Variants in GRIA3 observed in about 807,000 individuals in gnomAD.
GRIA3 encodes the protein glutamate ionotropic receptor AMPA type subunit 3.
GRIA3 carries 3 observed loss-of-function variants against 63.0 expected under a neutral mutation model. The observed-to-expected ratio is 0.05, with a 90% CI of 0.02 to 0.12. The LOEUF (loss-of-function observed/expected upper bound fraction) is 0.12. Ranked by LOEUF, GRIA3 falls within the 10% of genes least tolerant of loss-of-function variation. GRIA3 has a pLI of 1.00. For synonymous variants in GRIA3, 274 were observed against 257.9 expected (o/e 1.06, Z -0.60); for missense variants, 347 against 700.9 (o/e 0.50, Z 5.70).
chrX:123,363,080 A>G (rs957240001), intron 5 of GRIA3, among the ~76,000 whole-genome samples: 3 of 112,624 alleles, frequency 2.7e-5, no homozygotes, highest in Admixed American at 9.4e-5. Flanking sequence ...GACAACTTGA[A>G]TCACCACAAT....
intron 12 of GRIA3, among the ~76,000 whole-genome samples, chrX:123,431,547 G>A (rs2147403672): frequency 8.9e-6 from 1 of 111,966 alleles, no homozygotes; most frequent in East Asian, 2.8e-4. Flanking sequence ...CCAACCAGAC[G>A]TAGAAGCACA....
chrX:123,343,593 CAGAGAGAGAG>C (rs746329134), intron 4 of GRIA3, among the ~76,000 whole-genome samples: 2 of 102,725 alleles, frequency 1.9e-5, no homozygotes, highest in South Asian at 4.4e-4. Flanking sequence ...GAGAGAAAGA[CAGAGAGAGAG>C]AGAGAGAGAG....
intron 10 of GRIA3, among the ~76,000 whole-genome samples, chrX:123,415,365 T>C (rs765812633): frequency 8.9e-6 from 1 of 111,896 alleles, no homozygotes; most frequent in South Asian, 3.8e-4. Flanking sequence ...AAATATAGAA[T>C]GCATGGAATA....
chrX:123,389,739 G>A (rs922160786), intron 5 of GRIA3, among the ~76,000 whole-genome samples: 4 of 109,705 alleles, frequency 3.6e-5, no homozygotes, highest in Non-Finnish European at 5.7e-5. Flanking sequence ...ACAAAGTCTC[G>A]CTCTGTTGCC....
intron 13 of GRIA3, among the ~76,000 whole-genome samples, chrX:123,470,150 C>T (rs960761499): frequency 4.5e-5 from 5 of 111,418 alleles, no homozygotes; most frequent in African/African-American, 1.6e-4. Context: ...ATTCTGAGCC[C>T]CTTGACTGCA....
intron 5 of GRIA3, among the ~76,000 whole-genome samples, chrX:123,360,350 A>G (rs1488577097): frequency 9.1e-6 from 1 of 109,549 alleles, no homozygotes; most frequent in East Asian, 2.9e-4. Context: ...TAAATTTATG[A>G]GGATGAAGTG....
intron 4 of GRIA3, among the ~76,000 whole-genome samples, chrX:123,337,192 C>T (rs1309949506): frequency 9.0e-6 from 1 of 111,647 alleles, no homozygotes; most frequent in Non-Finnish European, 1.9e-5. Flanking sequence ...GACAGTATAA[C>T]GTTACTTCAC....
At chrX:123,390,431 GT>G (rs2147375847) in intron 5 of GRIA3, among the ~76,000 whole-genome samples, 1 of 111,265 alleles carries the variant, frequency 9.0e-6, no homozygotes, top group South Asian at 3.7e-4. Flanking sequence ...GTTTTGTTTT[GT>G]TTTGTTTTGT....
At chrX:123,254,125 T>G (rs1486127108) in intron 3 of GRIA3, among the ~76,000 whole-genome samples, 1 of 111,404 alleles carries the variant, frequency 9.0e-6, no homozygotes, top group South Asian at 3.8e-4. Context: ...CTTTGGGGAT[T>G]GACTTTTTGT....
intron 3 of GRIA3, among the ~76,000 whole-genome samples, chrX:123,285,133 T>C (rs2044609651): frequency 9.0e-6 from 1 of 111,252 alleles, no homozygotes; most frequent in Admixed American, 9.6e-5. Flanking sequence ...AGCCCAGAAT[T>C]TCATATCCAG....
chrX:123,451,505 T>TAAAAAAAAAAAAAAA (rs56991039), intron 12 of GRIA3, among the ~76,000 whole-genome samples: 2 of 16,191 alleles, frequency 1.2e-4, no homozygotes, highest in African/African-American at 2.0e-4. Context: ...ACTCTGTCTC[T>TAAAAAAAAAAAAAAA]AAAAAAAAAA....
At chrX:123,363,787 T>C (rs781118292) in intron 5 of GRIA3, among the ~76,000 whole-genome samples, 4 of 112,496 alleles carry the variant, frequency 3.6e-5, no homozygotes, top group Non-Finnish European at 5.6e-5. Flanking sequence ...TCAAAATGGG[T>C]AGTTTCCGTT....
chrX:123,445,260 T>C (rs1451677114), intron 12 of GRIA3, among the ~76,000 whole-genome samples: 1 of 111,672 alleles, frequency 9.0e-6, no homozygotes, highest in East Asian at 2.8e-4. Context: ...ATAAGGATCC[T>C]GGCTTCTGCA....
At chrX:123,201,404 G>A (rs1927737800) in intron 2 of GRIA3, among the ~76,000 whole-genome samples, 1 of 112,015 alleles carries the variant, frequency 8.9e-6, no homozygotes, top group African/African-American at 3.2e-5. Context: ...TTGTCGTATG[G>A]TAGGACTGGA....
chrX:123,315,561 T>G (rs1225344005), intron 3 of GRIA3, among the ~76,000 whole-genome samples: 1 of 112,603 alleles, frequency 8.9e-6, no homozygotes, highest in Non-Finnish European at 1.9e-5. Flanking sequence ...CTTTGTAATA[T>G]GAATAGTAAT....
intron 4 of GRIA3, among the ~76,000 whole-genome samples, chrX:123,351,871 A>T (rs1401199100): frequency 8.9e-6 from 1 of 111,906 alleles, no homozygotes; most frequent in African/African-American, 3.2e-5. Flanking sequence ...TAAGCTTCCT[A>T]TCCCAGTTTA....
intron 13 of GRIA3, among the ~76,000 whole-genome samples, chrX:123,470,672 T>C (rs1007153918): frequency 8.9e-6 from 1 of 112,055 alleles, no homozygotes. Context: ...TATTTCCCAT[T>C]GGTATACATG....
Position 123,422,864 on chromosome X carries a change from T to C in GRIA3, c.1878-5077T>C, listed in dbSNP as rs757690217. On this transcript the variant is annotated intron_variant, in intron 11 of 15. Transcript: ENST00000620443. Reference sequence around the variant, plus strand: ...TTAGTATCAAAGAGCTGACCTCTGATGAGAAATAACCAGCAACACTCCTTC... The same window carrying C: ...TTAGTATCAAAGAGCTGACCTCTGACGAGAAATAACCAGCAACACTCCTTC... 3.6e-4 allele frequency among the ~76,000 whole-genome samples: 40 copies of C among 112,627 alleles called. 1 individual carries two copies. Among genetic ancestry groups the C allele is most frequent in the Non-Finnish European group, 6.0e-4 (32 of 53,342 alleles).
intron 3 of GRIA3, among the ~76,000 whole-genome samples, chrX:123,304,061 T>A (rs750987366): frequency 8.5e-3 from 348 of 40,906 alleles, no homozygotes; most frequent in African/African-American, 0.025. Context: ...CAGTCCTGGG[T>A]AATGAATACC....
Sources: allele counts gnomAD v4.1 joint callset (sites outside exome capture counted in the v4.1 genomes callset), GRCh38; gene constraint gnomAD v4.1.1; transcripts MANE v1.5; gene names NCBI Gene and HGNC (gene_info 2026-07-23, HGNC 2026-07-21).